SLC38A4: variants seen among roughly 807,000 people sequenced by gnomAD.
SLC38A4 encodes the protein solute carrier family 38 member 4.
Under a neutral mutation model 63.1 loss-of-function variants are expected in SLC38A4, and 20 were observed. That is an observed-to-expected ratio of 0.32 (90% CI 0.22 to 0.46). The LOEUF (loss-of-function observed/expected upper bound fraction) is 0.46. SLC38A4 is among the 20% of genes least tolerant of loss of function. SLC38A4 has a pLI of 1.00. For missense variants in SLC38A4, 526 were observed against 663.6 expected, an observed-to-expected ratio of 0.79 and a Z score of 2.28; for synonymous variants, 230 against 225.5, an observed-to-expected ratio of 1.02 and a Z score of -0.18.
At chr12:46,781,296 T>C (rs927726281) in intron 7 of SLC38A4, among the ~76,000 whole-genome samples, 2 of 152,044 alleles carry the variant, frequency 1.3e-5, no homozygotes, top group Non-Finnish European at 2.9e-5. Flanking sequence ...ATTTTTACAA[T>C]AGCGGATGTA....
chr12:46,766,649 G>T lies in SLC38A4; in HGVS notation c.*52C>A. 1.8e-6 allele frequency: 2 copies of T among 1,131,344 alleles called. No individual in the cohort carries two copies. The highest frequency in any genetic ancestry group is 2.7e-6 in the Non-Finnish European group (2 of 753,072). 70.1% of individuals were successfully genotyped at this position (1,131,344 alleles called of 1,614,324 possible). Reference sequence around the variant, plus strand: ...ATCAAGATAATTCAAATATCTTTTGGAGTATAACTTGTAACCATTTCCAAT... The same window carrying T: ...ATCAAGATAATTCAAATATCTTTTGTAGTATAACTTGTAACCATTTCCAAT... On this transcript the variant is annotated 3_prime_UTR_variant, in exon 17 of 17. Transcript: ENST00000266579.
Position 46,775,040 on chromosome 12 carries a change from T to C in SLC38A4, c.1299+9A>G. 1 of 1,611,788 alleles carries C rather than the reference T, an allele frequency of 6.2e-7. No homozygotes were observed. Among genetic ancestry groups the C allele is most frequent in the Non-Finnish European group, 8.5e-7 (1 of 1,178,644 alleles). ...GTAGGTTTCTTTCATCAAAGTCTTATGTACTTACTGGGAAGAGGACAATGG... is the reference window on the plus strand; with the variant it reads ...GTAGGTTTCTTTCATCAAAGTCTTACGTACTTACTGGGAAGAGGACAATGG... On this transcript the variant is annotated intron_variant, in intron 14 of 16. Coordinates refer to ENST00000266579, the MANE Select transcript of SLC38A4 (RefSeq NM_018018.5).
intron 3 of SLC38A4, 109 bp from the exon 4 acceptor site, chr12:46,788,727 A>G (rs1307189615): frequency 1.0e-6 from 1 of 960,420 alleles, no homozygotes; most frequent in African/African-American, 1.6e-5. Context: ...AGGGGAAATA[A>G]GACACCCCAA....
chr12:46,769,222 T>G (rs1938360205), intron 15 of SLC38A4, 62 bp downstream of exon 15: 1 of 1,580,750 alleles, frequency 6.3e-7, no homozygotes, highest in African/African-American at 1.3e-5. Context: ...ACTGGTTCCC[T>G]GTCCATCATT....
At chr12:46,828,611 C>T (rs919194766), upstream of SLC38A4, among the ~76,000 whole-genome samples, 1 of 152,232 alleles carries the variant, frequency 6.6e-6, no homozygotes, top group Non-Finnish European at 1.5e-5. Flanking sequence ...GCATGAGCCA[C>T]GGTGCCCAGC....
intron 5 of SLC38A4, among the ~76,000 whole-genome samples, chr12:46,786,963 A>G (rs1205617308): frequency 6.6e-6 from 1 of 152,218 alleles, no homozygotes; most frequent in Non-Finnish European, 1.5e-5. Context: ...GCCTAACATC[A>G]GACTTTATTC....
In SLC38A4 at chr12:46,787,926, T is replaced by C. The variant is rs200443746; in HGVS notation, c.316A>G (p.Ile106Val). The change falls in exon 5 of 17, where the codon ATA (isoleucine) becomes GTA (valine). Residue 106 changes from isoleucine (I) to valine (V), a missense_variant. Transcript: ENST00000266579. ...LSYAMANTGI[I>V]LFIIMLLAVA... The stretch of plus-strand genomic sequence containing the variant: ...TATACATTCACTTACATAAAAAGTA[T>C]GATCCCTGTGTTGGCCATGGCATAG... The C allele has an allele frequency of 4.0e-5, 64 of 1,611,974 alleles. No individual in the cohort carries two copies. In the Admixed American group the frequency reaches 4.0e-4, roughly 10 times the overall value.
chr12:46,788,630 C>T lies in SLC38A4; in HGVS notation c.120-12G>A, dbSNP rs772010815. On this transcript the variant is annotated splice_polypyrimidine_tract_variant and intron_variant, in intron 3 of 16. Transcript: ENST00000266579. ...CATTAGCAAATTGACTGAACACACA[C>T]ACACACAAATAAGAAAGTGAAAACA... 6.2e-7 allele frequency: 1 copy of T among 1,603,220 alleles called. No homozygotes were observed. Among genetic ancestry groups the T allele is most frequent in the Non-Finnish European group, 8.5e-7 (1 of 1,170,848 alleles).
intron 1 of SLC38A4, among the ~76,000 whole-genome samples, chr12:46,823,308 A>C (rs557829981): frequency 6.6e-6 from 1 of 152,196 alleles, no homozygotes; most frequent in African/African-American, 2.4e-5. Context: ...CACACAGGAG[A>C]TATGACCCAG....
At chr12:46,782,545 G>A (rs1255474325) in intron 7 of SLC38A4, among the ~76,000 whole-genome samples, 7 of 151,890 alleles carry the variant, frequency 4.6e-5, no homozygotes, top group Admixed American at 4.6e-4. Context: ...GAGGATGACT[G>A]ACATAAACTT....
chr12:46,778,153 A>G (rs1020345707), intron 12 of SLC38A4, 136 bp downstream of exon 12: 4 of 748,576 alleles, frequency 5.3e-6, no homozygotes, highest in Admixed American at 5.0e-5. Context: ...TGATTAAAGC[A>G]TGTTACTGAG....
intron 1 of SLC38A4, among the ~76,000 whole-genome samples, chr12:46,823,872 A>G (rs1939598001): frequency 6.6e-6 from 1 of 152,194 alleles, no homozygotes; most frequent in Admixed American, 6.5e-5. Flanking sequence ...TCCAGTTTCA[A>G]GGTTTCTCAT....
At chr12:46,813,128 T>C (rs1273226442) in intron 1 of SLC38A4, among the ~76,000 whole-genome samples, 1 of 151,996 alleles carries the variant, frequency 6.6e-6, no homozygotes, top group African/African-American at 2.4e-5. Context: ...TGTTTTATTC[T>C]GACTGACCAT....
chr12:46,822,783 T>A (rs1446299809), intron 1 of SLC38A4, among the ~76,000 whole-genome samples: 1 of 152,160 alleles, frequency 6.6e-6, no homozygotes, highest in Non-Finnish European at 1.5e-5. Flanking sequence ...AATAGAATGT[T>A]TGTATAGAGT....
intron 3 of SLC38A4, 93 bp from the exon 4 acceptor site, chr12:46,788,711 C>T (rs1360517960): frequency 1.2e-5 from 14 of 1,162,618 alleles, no homozygotes; most frequent in Non-Finnish European, 1.7e-5. Flanking sequence ...GTAACTGAAT[C>T]AGAGGAGGGG....
chr12:46,796,254 TC>T (rs1939000781), intron 2 of SLC38A4, among the ~76,000 whole-genome samples: 1 of 152,194 alleles, frequency 6.6e-6, no homozygotes, highest in Non-Finnish European at 1.5e-5. Flanking sequence ...TTCTCTTTTT[TC>T]ATATCACTTT....
At chr12:46,826,795 T>C (rs1939662369), upstream of SLC38A4, among the ~76,000 whole-genome samples, 1 of 152,238 alleles carries the variant, frequency 6.6e-6, no homozygotes, top group Admixed American at 6.5e-5. Context: ...CTCTTAATCA[T>C]GTGCAATCAT....
In SLC38A4 at chr12:46,791,571, G is replaced by A. The variant is rs371846699; in HGVS notation, c.119+1382C>T. On this transcript the variant is annotated intron_variant, in intron 3 of 16. Transcript: ENST00000266579. ...CACAATATTCTCTATTTCACGCCTA[G>A]ATTTGGTCAAAAATTCCCTTCTGAG... Among the ~76,000 whole-genome samples the A allele has an allele frequency of 9.2e-5, 14 of 152,278 alleles. No individual in the cohort carries two copies. The East Asian group carries it at 2.7e-3, about 29-fold the overall frequency.
intron 1 of SLC38A4, among the ~76,000 whole-genome samples, chr12:46,816,583 T>C (rs756394704): frequency 2.0e-5 from 3 of 151,870 alleles, no homozygotes; most frequent in Non-Finnish European, 4.4e-5. Context: ...TAGGCCTTCT[T>C]TCGGCCTCAA....
Sources: gnomAD v4.1 joint callset for allele counts (sites outside exome capture counted in the v4.1 genomes callset) on GRCh38, gnomAD v4.1.1 for gene constraint, MANE v1.5 for transcripts, NCBI Gene and HGNC (gene_info 2026-07-23, HGNC 2026-07-21) for gene names.